The following EYA4 variants were observed in gnomAD, a reference collection of about 807,000 sequenced individuals.
EYA4 encodes the protein protein phosphatase EYA4.
EYA4 carries 31 observed loss-of-function variants against 87.9 expected under a neutral mutation model. That is an observed-to-expected ratio of 0.35 (90% CI 0.27 to 0.48). The LOEUF (loss-of-function observed/expected upper bound fraction) is 0.48, where lower values mean the gene tolerates loss of function less well. Ranked by LOEUF, EYA4 falls within the 20% of genes least tolerant of loss-of-function variation. The pLI, the probability that EYA4 is intolerant of heterozygous loss-of-function variation, is 0.99. For synonymous variants in EYA4, 263 were observed against 270.6 expected, an observed-to-expected ratio of 0.97 and a Z score of 0.28; for missense variants, 678 against 761.4, an observed-to-expected ratio of 0.89 and a Z score of 1.29.
At chr6:133,469,465 G>A (rs575967203) in intron 11 of EYA4, among the ~76,000 whole-genome samples, 4 of 151,938 alleles carry the variant, frequency 2.6e-5, no homozygotes, top group Non-Finnish European at 5.9e-5. Context: ...GACTTATAAT[G>A]TACAGTAATC....
chr6:133,426,115 A>T (rs1369302275), intron 3 of EYA4, among the ~76,000 whole-genome samples: 1 of 146,686 alleles, frequency 6.8e-6, no homozygotes, highest in African/African-American at 2.7e-5. Context: ...ATACATGTAC[A>T]TTTACAGAAA....
chr6:133,273,006 G>A (rs28678342), intron 1 of EYA4, among the ~76,000 whole-genome samples: 2 of 151,132 alleles, frequency 1.3e-5, no homozygotes, highest in Admixed American at 6.6e-5. Context: ...TAAGGCACCC[G>A]ATGCTGATGC....
intron 2 of EYA4, among the ~76,000 whole-genome samples, chr6:133,283,826 C>T (rs1392943212): frequency 6.6e-6 from 1 of 152,176 alleles, no homozygotes; most frequent in Non-Finnish European, 1.5e-5. Context: ...CACTCCCTCC[C>T]ACCTGCCCAC....
At chr6:133,299,933 ATCTATCTATCTATCTATCTATC>A (rs1705957697) in intron 2 of EYA4, among the ~76,000 whole-genome samples, 1 of 81,198 alleles carries the variant, frequency 1.2e-5, no homozygotes, top group African/African-American at 4.7e-5. Flanking sequence ...ATCTCTATCT[ATCTATCTATCTATCTATCTATC>A]TATATATATA....
chr6:133,378,613 A>G (rs1249269936), intron 2 of EYA4, among the ~76,000 whole-genome samples: 1 of 152,040 alleles, frequency 6.6e-6, no homozygotes, highest in Non-Finnish European at 1.5e-5. Flanking sequence ...TCTGCTTCTC[A>G]GTGTTACTAT....
intron 2 of EYA4, among the ~76,000 whole-genome samples, chr6:133,298,362 A>G (rs1779105928): frequency 6.6e-6 from 1 of 152,132 alleles, no homozygotes; most frequent in Admixed American, 6.5e-5. Flanking sequence ...ACATTCAGAA[A>G]CCAAAATTGG....
chr6:133,321,815 A>G (rs377715953), intron 2 of EYA4, among the ~76,000 whole-genome samples: 62 of 152,296 alleles, frequency 4.1e-4, no homozygotes, highest in African/African-American at 1.4e-3. Flanking sequence ...ACACGAGTTC[A>G]GTTTCATGGA....
At chr6:133,310,322 A>G (rs1033823270) in intron 2 of EYA4, among the ~76,000 whole-genome samples, 2 of 152,132 alleles carry the variant, frequency 1.3e-5, no homozygotes, top group Non-Finnish European at 2.9e-5. Flanking sequence ...CACTATCTAT[A>G]TGATTATTTT....
intron 2 of EYA4, among the ~76,000 whole-genome samples, chr6:133,315,449 G>T (rs1314177768): frequency 6.6e-6 from 1 of 152,028 alleles, no homozygotes; most frequent in Non-Finnish European, 1.5e-5. Flanking sequence ...TTACAATTTT[G>T]TGGGACATTA....
intron 11 of EYA4, among the ~76,000 whole-genome samples, chr6:133,475,086 A>G (rs1795609827): frequency 6.6e-6 from 1 of 152,112 alleles, no homozygotes; most frequent in African/African-American, 2.4e-5. Flanking sequence ...AGCCTAGGGC[A>G]ATTTTGTAAT....
intron 1 of EYA4, among the ~76,000 whole-genome samples, chr6:133,251,892 A>G (rs953994365): frequency 6.6e-6 from 1 of 152,200 alleles, no homozygotes; most frequent in Non-Finnish European, 1.5e-5. Context: ...GAGAATCCTA[A>G]TACCTTCCTC....
intron 3 of EYA4, among the ~76,000 whole-genome samples, chr6:133,422,517 T>C (rs1790307710): frequency 6.6e-6 from 1 of 152,220 alleles, no homozygotes; most frequent in Non-Finnish European, 1.5e-5. Flanking sequence ...TGCTCTCTTT[T>C]AGATAGACAT....
At chr6:133,459,524 G>A (rs1029891697) in intron 6 of EYA4, among the ~76,000 whole-genome samples, 2 of 152,000 alleles carry the variant, frequency 1.3e-5, no homozygotes, top group African/African-American at 4.8e-5. Context: ...GTGTACCAAG[G>A]AGAAATTCTG....
At chr6:133,426,155 T>A (rs1205343767) in intron 3 of EYA4, among the ~76,000 whole-genome samples, 1 of 142,640 alleles carries the variant, frequency 7.0e-6, no homozygotes, top group South Asian at 2.3e-4. Context: ...TCCTCATCTA[T>A]GCCAAGTGTC....
chr6:133,415,505 G>A (rs560057786), intron 3 of EYA4, among the ~76,000 whole-genome samples: 2 of 152,070 alleles, frequency 1.3e-5, no homozygotes, highest in South Asian at 4.1e-4. Context: ...TACGCAGGCT[G>A]TTCTGTTTGG....
At chr6:133,496,429 G>A (rs1422413943) in intron 13 of EYA4, among the ~76,000 whole-genome samples, 1 of 152,096 alleles carries the variant, frequency 6.6e-6, no homozygotes, top group African/African-American at 2.4e-5. Context: ...ACATCTAAGG[G>A]CAGAACTGCT....
chr6:133,483,231 C>A, intron 13 of EYA4, 116 bp downstream of exon 13: 1 of 738,826 alleles, frequency 1.4e-6, no homozygotes, highest in South Asian at 1.6e-5. Flanking sequence ...TCTGTGAAAT[C>A]TTCTCTTAAT....
At chr6:133,510,099 G>C (rs991407660) in intron 14 of EYA4, among the ~76,000 whole-genome samples, 2 of 152,120 alleles carry the variant, frequency 1.3e-5, no homozygotes, top group Admixed American at 6.6e-5. Flanking sequence ...GTGATATACT[G>C]TTGTCCTCAG....
rs1794500500 is a variant in EYA4 at position 133,462,643 on chromosome 6, C to T, written c.603C>T (p.Ala201=). The T allele has an allele frequency of 1.2e-6, 2 of 1,613,986 alleles. No homozygotes were observed. The highest frequency in any genetic ancestry group is 1.7e-6 in the Non-Finnish European group (2 of 1,179,926). Residue 201 remains alanine (A), a synonymous_variant, in exon 9 of 20, where the codon GCC becomes GCT. Transcript: ENST00000355286. Reference sequence around the variant, plus strand: ...CAGATTTGGGTGTGATGTTGCCAGCCATCAAGACAGAGAGTGGACTTTCCC... The same window carrying T: ...CAGATTTGGGTGTGATGTTGCCAGCTATCAAGACAGAGAGTGGACTTTCCC... ...PTYDLGVMLP[A]IKTESGLSQT...
Sources: allele counts gnomAD v4.1 joint callset (sites outside exome capture counted in the v4.1 genomes callset), GRCh38; gene constraint gnomAD v4.1.1; transcripts MANE v1.5; gene names NCBI Gene and HGNC (gene_info 2026-07-23, HGNC 2026-07-21).